Variants in ROBO2 observed in about 807,000 individuals in gnomAD.
ROBO2 encodes the protein roundabout guidance receptor 2.
A neutral mutation model predicts 160.8 loss-of-function variants in ROBO2; 53 were observed. The observed-to-expected ratio is 0.33, with a 90% confidence interval of 0.26 to 0.41. The LOEUF (loss-of-function observed/expected upper bound fraction) is 0.41, where lower values mean the gene tolerates loss of function less well. Among genes scored for constraint, ROBO2 ranks in the 10% least tolerant of loss-of-function variants. The probability of loss-of-function intolerance (pLI) is 1.00; values close to 1 mark genes in which losing one functional copy is unlikely to be tolerated. For synonymous variants in ROBO2, 664 were observed against 611.7 expected, an observed-to-expected ratio of 1.09 and a Z score of -1.26; for missense variants, 1,577 against 1,722.4, an observed-to-expected ratio of 0.92 and a Z score of 1.49.
Position 77,172,633 on chromosome 3 carries a change from G to A in ROBO2, c.388+74293G>A, listed in dbSNP as rs140610383. Among the ~76,000 whole-genome samples, 688 of 152,228 alleles carry A rather than the reference G, an allele frequency of 4.5e-3. 8 individuals carry two copies. Among genetic ancestry groups the A allele is most frequent in the African/African-American group, 0.016 (651 of 41,542 alleles). ...TCATCTTGAATCAATATATAGACAA[G>A]TAGTGTGATTTTGGTAGTGTCCTTT... is the stretch of plus-strand genomic sequence containing the variant. On this transcript the variant is annotated intron_variant, in intron 2 of 25. Coordinates refer to ENST00000461745, the Ensembl canonical transcript of ROBO2.
chr3:76,550,351 CAG>C, intron 2 of ROBO2, among the ~76,000 whole-genome samples: 1 of 44,802 alleles, frequency 2.2e-5, no homozygotes, highest in South Asian at 8.0e-4. Context: ...TAAAAGTAGT[CAG>C]CCCTCTGTAT....
At chr3:76,293,182 A>G (rs903960704) in intron 2 of ROBO2, among the ~76,000 whole-genome samples, 5 of 152,224 alleles carry the variant, frequency 3.3e-5, no homozygotes, top group Non-Finnish European at 7.3e-5. Context: ...ACTAGAATAC[A>G]CTGAGACCCG....
intron 2 of ROBO2, among the ~76,000 whole-genome samples, chr3:76,010,619 G>T (rs1407905594): frequency 6.6e-6 from 1 of 152,202 alleles, no homozygotes; most frequent in African/African-American, 2.4e-5. Context: ...TTTACTGTTT[G>T]CTGGATGCTC....
intron 1 of ROBO2, among the ~76,000 whole-genome samples, chr3:77,080,472 G>A (rs890733424): frequency 6.6e-6 from 1 of 152,180 alleles, no homozygotes; most frequent in African/African-American, 2.4e-5. Context: ...TATGGGAGAA[G>A]CAGATGCTCC....
chr3:77,005,025 G>A (rs980129825), intron 2 of ROBO2, among the ~76,000 whole-genome samples: 1 of 147,142 alleles, frequency 6.8e-6, no homozygotes, highest in African/African-American at 2.5e-5. Flanking sequence ...CCATGGCTTC[G>A]GGGCTGCTAA....
At chr3:77,262,547 A>G (rs2058841750) in intron 2 of ROBO2, among the ~76,000 whole-genome samples, 1 of 152,082 alleles carries the variant, frequency 6.6e-6, no homozygotes, top group South Asian at 2.1e-4. Context: ...AACTGAAGAA[A>G]TCCCTGAGGT....
At chr3:77,599,897 T>C (rs2094397883) in intron 19 of ROBO2, among the ~76,000 whole-genome samples, 1 of 152,190 alleles carries the variant, frequency 6.6e-6, no homozygotes, top group African/African-American at 2.4e-5. Flanking sequence ...TGTCTTCAAA[T>C]GACTTCGTGA....
At chr3:76,531,087 T>C (rs1035178938) in intron 2 of ROBO2, among the ~76,000 whole-genome samples, 1 of 152,336 alleles carries the variant, frequency 6.6e-6, no homozygotes, top group Admixed American at 6.5e-5. Context: ...CATAAAATTC[T>C]ACTGAAAATA....
intron 2 of ROBO2, among the ~76,000 whole-genome samples, chr3:77,387,673 C>T (rs1298924615): frequency 6.6e-6 from 1 of 151,938 alleles, no homozygotes; most frequent in Non-Finnish European, 1.5e-5. Context: ...CTGAGTCGTA[C>T]AAGAATCCGC....
At position 76,839,800 on chromosome 3, in the gene ROBO2, C is replaced by G. The variant is rs368885620; in HGVS notation, c.110-258214C>G. Reference sequence around the variant, plus strand: ...AGCAGTGGAGCCAATGGGTCTTGTGCTTTTCTTTGCTGGAAGAGATTTCAT... The same window carrying G: ...AGCAGTGGAGCCAATGGGTCTTGTGGTTTTCTTTGCTGGAAGAGATTTCAT... On this transcript the variant is annotated intron_variant, in intron 2 of 26. Coordinates refer to the ROBO2 transcript ENST00000487694. 1.3e-4 allele frequency among the ~76,000 whole-genome samples: 20 copies of G among 152,216 alleles called. No individual in the cohort carries two copies. In the East Asian group the frequency reaches 3.9e-3, roughly 29 times the overall value.
exon 20 of ROBO2, chr3:77,602,230 G>A: frequency 6.2e-7 from 1 of 1,614,126 alleles, no homozygotes; most frequent in Non-Finnish European, 8.5e-7. Flanking sequence ...ACCAGTTCCA[G>A]GCCAAGGGGA....
At chr3:76,066,813 A>G (rs1328649555) in intron 2 of ROBO2, among the ~76,000 whole-genome samples, 1 of 151,884 alleles carries the variant, frequency 6.6e-6, no homozygotes, top group Non-Finnish European at 1.5e-5. Flanking sequence ...AATTTAAGAA[A>G]TAATATTTTA....
At chr3:77,622,986 AT>A (rs905259451) in intron 23 of ROBO2, among the ~76,000 whole-genome samples, 32 of 152,190 alleles carry the variant, frequency 2.1e-4, no homozygotes, top group Admixed American at 1.9e-3. Flanking sequence ...CTTCCAAGAA[AT>A]GCAGTTATTT....
At chr3:76,798,259 G>GGAAAGAAAGAAAGAAAA (rs2063890448) in intron 2 of ROBO2, among the ~76,000 whole-genome samples, 1 of 94,198 alleles carries the variant, frequency 1.1e-5, no homozygotes. Flanking sequence ...AAAGAAAGAA[G>GGAAAGAAAGAAAGAAAA]GAAAGAAAGA....
At chr3:77,238,176 G>A (rs2088378811) in intron 2 of ROBO2, among the ~76,000 whole-genome samples, 1 of 152,042 alleles carries the variant, frequency 6.6e-6, no homozygotes, top group Non-Finnish European at 1.5e-5. Flanking sequence ...CTCTCAGCCC[G>A]TGTTTGTCTA....
At chr3:76,012,192 C>CT (rs1424666829) in intron 2 of ROBO2, among the ~76,000 whole-genome samples, 3 of 151,938 alleles carry the variant, frequency 2.0e-5, no homozygotes, top group Non-Finnish European at 4.4e-5. Context: ...AAAATAAAGC[C>CT]TTTATATGTA....
chr3:76,040,065 C>A (rs2067233376), intron 2 of ROBO2, among the ~76,000 whole-genome samples: 1 of 151,858 alleles, frequency 6.6e-6, no homozygotes, highest in Admixed American at 6.6e-5. Context: ...TTCTGAAGCT[C>A]ATTTTTAACA....
chr3:77,049,604 G>T (rs1423027910), intron 1 of ROBO2, among the ~76,000 whole-genome samples: 1 of 152,140 alleles, frequency 6.6e-6, no homozygotes, highest in African/African-American at 2.4e-5. Flanking sequence ...AATAGTCTTA[G>T]GTCAATGTGC....
At chr3:76,090,719 T>G (rs147011498) in intron 2 of ROBO2, among the ~76,000 whole-genome samples, 3 of 152,214 alleles carry the variant, frequency 2.0e-5, no homozygotes, top group African/African-American at 7.2e-5. Flanking sequence ...ATCAAAACAG[T>G]GTCGTGTTGG....
Sources: allele counts gnomAD v4.1 joint callset (sites outside exome capture counted in the v4.1 genomes callset), GRCh38; gene constraint gnomAD v4.1.1; transcripts MANE v1.5; gene names NCBI Gene and HGNC (gene_info 2026-07-23, HGNC 2026-07-21).